SEL1L3: variants seen among roughly 807,000 people sequenced by gnomAD.
SEL1L3 encodes protein sel-1 homolog 3.
In SEL1L3, 76 loss-of-function variants were observed where a neutral mutation model predicts 142.8. That is an observed-to-expected ratio of 0.53 (90% CI 0.44 to 0.64). The LOEUF (loss-of-function observed/expected upper bound fraction) is 0.64. SEL1L3 is among the 30% of genes least tolerant of loss of function. The pLI is 0.00. For synonymous variants in SEL1L3, 504 were observed against 519.6 expected, an observed-to-expected ratio of 0.97 and a Z score of 0.41; for missense variants, 1,262 against 1,381.7, an observed-to-expected ratio of 0.91 and a Z score of 1.37.
intron 9 of SEL1L3, among the ~76,000 whole-genome samples, chr4:25,808,805 C>CTGT (rs1713781227): frequency 6.7e-4 from 4 of 5,986 alleles, no homozygotes; most frequent in Non-Finnish European, 1.6e-3. Context: ...TGCAGTGGCG[C>CTGT]ACGCCTGTAA....
intron 11 of SEL1L3, 83 bp downstream of exon 11, chr4:25,802,200 C>G: frequency 1.5e-6 from 2 of 1,321,254 alleles, no homozygotes; most frequent in Non-Finnish European, 2.1e-6. Context: ...AGGCCAACTA[C>G]AAAAGCAACC....
At chr4:25,811,789 A>T (rs1235765313) in intron 9 of SEL1L3, among the ~76,000 whole-genome samples, 1 of 142,454 alleles carries the variant, frequency 7.0e-6, no homozygotes, top group Non-Finnish European at 1.5e-5. Flanking sequence ...GTTAGTAGCC[A>T]TCCTCATGGC....
At chr4:25,786,966 A>AG (rs1028728694) in intron 13 of SEL1L3, among the ~76,000 whole-genome samples, 47 of 152,314 alleles carry the variant, frequency 3.1e-4, no homozygotes, top group Non-Finnish European at 2.1e-4. Context: ...CCTTGTTTGA[A>AG]GATGCTTGCT....
intron 9 of SEL1L3, among the ~76,000 whole-genome samples, chr4:25,805,044 C>T (rs1372115817): frequency 6.6e-6 from 1 of 152,164 alleles, no homozygotes; most frequent in Non-Finnish European, 1.5e-5. Context: ...CTCAGTGTAA[C>T]TCATCACCAA....
Position 25,833,084 on chromosome 4 carries a change from C to A in SEL1L3, c.1009G>T (p.Val337Phe), listed in dbSNP as rs759520838. The change falls in exon 5 of 24, where the codon GTC becomes TTC. Residue 337 changes from valine (V) to phenylalanine (F), a missense_variant. Coordinates refer to ENST00000399878, the MANE Select transcript of SEL1L3 (RefSeq NM_015187.5). ...EGYLHIQMHLVKGEDLAVKTK... is the reference protein window; with the variant it reads ...EGYLHIQMHLFKGEDLAVKTK... ...TTTACAGCAAGGTCTTCCCCTTTGA[C>A]AAGATGCATCTGAATATGCAAATAG... 2 of 1,608,822 alleles carry A rather than the reference C, an allele frequency of 1.2e-6. No individual in the cohort carries two copies. Among genetic ancestry groups the A allele is most frequent in the Non-Finnish European group, 1.7e-6 (2 of 1,175,314 alleles).
chr4:25,731,209 GC>G, the SEL1L3 span, among the ~76,000 whole-genome samples: 8 of 152,068 alleles, frequency 5.3e-5, no homozygotes, highest in Non-Finnish European at 1.2e-4. Context: ...CTTTTATTTA[GC>G]TTTTAGATTT....
intron 9 of SEL1L3, among the ~76,000 whole-genome samples, chr4:25,817,409 C>T (rs1371250336): frequency 1.3e-5 from 2 of 152,194 alleles, no homozygotes; most frequent in Non-Finnish European, 2.9e-5. Flanking sequence ...CTTTCCTCTT[C>T]CTAACAGGCA....
chr4:25,732,268 G>A, the SEL1L3 span, among the ~76,000 whole-genome samples: 4 of 152,096 alleles, frequency 2.6e-5, no homozygotes, highest in South Asian at 2.1e-4. Flanking sequence ...CTTGAATTTC[G>A]GATAAATAAG....
intron 2 of SEL1L3, among the ~76,000 whole-genome samples, chr4:25,847,015 C>G (rs181777628): frequency 6.6e-6 from 1 of 151,706 alleles, no homozygotes; most frequent in Admixed American, 6.6e-5. Flanking sequence ...ATACTCCTTT[C>G]CAGCTTAAAG....
rs552957446 is a variant in SEL1L3 at position 25,765,284 on chromosome 4, G to C, written c.2955+42C>G. On this transcript the variant is annotated intron_variant, in intron 20 of 23. Transcript: ENST00000399878. ...GCTGGGATTACAGGCATGAGCCACCGTGCCCGGCCAAGAGCTGGTTTTTGT... is the reference window on the plus strand; with the variant it reads ...GCTGGGATTACAGGCATGAGCCACCCTGCCCGGCCAAGAGCTGGTTTTTGT... 2.2e-6 allele frequency: 3 copies of C among 1,371,222 alleles called. No individual in the cohort carries two copies. The South Asian group carries it at 3.5e-5, about 16-fold the overall frequency. 84.9% of individuals were successfully genotyped at this position (1,371,222 alleles called of 1,614,324 possible). A position where few individuals can be genotyped will look rare whatever the true frequency, so the allele number is the denominator to read the frequency against.
At position 25,747,650 on chromosome 4, in the gene SEL1L3, T is replaced by C. The variant is rs1184782480; in HGVS notation, c.*775A>G. ...CAGGCATGAGGGGTAGGGATGAAAC[T>C]ATAAGCTAGAGGCTTACTTGCTGCA... On this transcript the variant is annotated 3_prime_UTR_variant, in exon 24 of 24. Coordinates refer to ENST00000399878, the MANE Select transcript of SEL1L3 (RefSeq NM_015187.5). 2 of 152,148 alleles carry C rather than the reference T, an allele frequency of 1.3e-5. No individual in the cohort carries two copies. The highest frequency in any genetic ancestry group is 4.8e-5 in the African/African-American group (2 of 41,396). The allele number at this position is 152,148 out of a possible 1,614,324, so 9.4% of individuals were successfully genotyped here. A position where few individuals can be genotyped will look rare whatever the true frequency, so the allele number is the denominator to read the frequency against.
chr4:25,846,405 C>T (rs1716514865), intron 2 of SEL1L3, among the ~76,000 whole-genome samples: 1 of 152,152 alleles, frequency 6.6e-6, no homozygotes, highest in African/African-American at 2.4e-5. Context: ...TCATTTAGTC[C>T]TCACAGCACT....
At chr4:25,814,511 T>C (rs1176678550) in intron 9 of SEL1L3, among the ~76,000 whole-genome samples, 2 of 152,220 alleles carry the variant, frequency 1.3e-5, no homozygotes, top group Non-Finnish European at 2.9e-5. Context: ...ACAATGAGGA[T>C]GTTCTAATAA....
At chr4:25,767,860 A>G in intron 17 of SEL1L3, 30 bp from the exon 18 acceptor site, 4 of 1,297,252 alleles carry the variant, frequency 3.1e-6, no homozygotes, top group Non-Finnish European at 4.4e-6. Flanking sequence ...AATAAATTTC[A>G]TATAGTGGCT....
intron 23 of SEL1L3, chr4:25,756,576 A>G (rs1371249999): frequency 2.1e-6 from 2 of 940,154 alleles, no homozygotes; most frequent in South Asian, 9.8e-5. Flanking sequence ...GGGATCAGGA[A>G]GGTTAAATAA....
intron 7 of SEL1L3, among the ~76,000 whole-genome samples, chr4:25,821,310 A>G (rs1489189581): frequency 6.6e-6 from 1 of 152,184 alleles, no homozygotes; most frequent in African/African-American, 2.4e-5. Context: ...GAAGGGAATG[A>G]CAGAATGTTT....
intron 17 of SEL1L3, among the ~76,000 whole-genome samples, chr4:25,770,739 C>CAAAAAA (rs57317400): frequency 4.0e-4 from 39 of 97,268 alleles, no homozygotes; most frequent in African/African-American, 9.8e-4. Context: ...GACTCTGTCT[C>CAAAAAA]AAAAAAAAAA....
intron 20 of SEL1L3, among the ~76,000 whole-genome samples, chr4:25,762,435 A>G (rs1243786610): frequency 6.6e-6 from 1 of 152,258 alleles, no homozygotes; most frequent in Non-Finnish European, 1.5e-5. Context: ...AGGCAACAGT[A>G]TGATCTATCT....
chr4:25,779,961 G>C (rs1719886561), intron 15 of SEL1L3, among the ~76,000 whole-genome samples: 1 of 152,096 alleles, frequency 6.6e-6, no homozygotes, highest in African/African-American at 2.4e-5. Context: ...CTAGAGTGAA[G>C]GGTTGTTGTA....
Sources: allele counts gnomAD v4.1 joint callset (sites outside exome capture counted in the v4.1 genomes callset), GRCh38; gene constraint gnomAD v4.1.1; transcripts MANE v1.5; gene names NCBI Gene and HGNC (gene_info 2026-07-23, HGNC 2026-07-21).